ZBTB20: variants seen among roughly 807,000 people sequenced by gnomAD.
ZBTB20 encodes the protein zinc finger and BTB domain-containing protein 20.
ZBTB20 carries 9 observed loss-of-function variants against 56.9 expected under a neutral mutation model. The observed-to-expected ratio is 0.16, with a 90% CI of 0.10 to 0.28. The LOEUF (loss-of-function observed/expected upper bound fraction) is 0.28. Ranked by LOEUF, ZBTB20 falls within the 10% of genes least tolerant of loss-of-function variation. The probability of loss-of-function intolerance (pLI) is 1.00; values close to 1 mark genes in which losing one functional copy is unlikely to be tolerated. For synonymous variants in ZBTB20, 417 were observed against 420.7 expected (o/e 0.99, Z 0.11); for missense variants, 655 against 1,003.0 (o/e 0.65, Z 4.69).
intron 1 of ZBTB20, among the ~76,000 whole-genome samples, chr3:115,074,352 G>A (rs2082520031): frequency 6.6e-6 from 1 of 152,160 alleles, no homozygotes; most frequent in Non-Finnish European, 1.5e-5. Context: ...TGGGTTGGTA[G>A]TGGTGACAAA....
chr3:114,386,299 G>A (rs1345355456), intron 8 of ZBTB20, among the ~76,000 whole-genome samples: 1 of 151,990 alleles, frequency 6.6e-6, no homozygotes, highest in African/African-American at 2.4e-5. Flanking sequence ...TGGCAGGGCT[G>A]ATTTATAATT....
chr3:114,484,233 G>C (rs2109400623), intron 7 of ZBTB20, among the ~76,000 whole-genome samples: 1 of 152,060 alleles, frequency 6.6e-6, no homozygotes, highest in African/African-American at 2.4e-5. Context: ...CTAGTGTTTT[G>C]GCAACTCTAA....
chr3:115,028,454 T>C (rs1316610321), intron 2 of ZBTB20, among the ~76,000 whole-genome samples: 1 of 150,748 alleles, frequency 6.6e-6, no homozygotes, highest in Non-Finnish European at 1.5e-5. Context: ...CTTGGCTATA[T>C]TGTTTTAAAT....
chr3:114,850,914 T>C (rs953947433), intron 4 of ZBTB20, among the ~76,000 whole-genome samples: 1 of 152,174 alleles, frequency 6.6e-6, no homozygotes, highest in Admixed American at 6.5e-5. Context: ...CTAGTCTAAA[T>C]GTCTCAGTTG....
intron 3 of ZBTB20, among the ~76,000 whole-genome samples, chr3:114,906,150 A>C (rs1560384159): frequency 6.6e-6 from 1 of 151,976 alleles, no homozygotes; most frequent in East Asian, 1.9e-4. Context: ...CCTGACACAC[A>C]GTCAACACTT....
chr3:114,839,480 A>AG (rs2074290416), intron 4 of ZBTB20, among the ~76,000 whole-genome samples: 1 of 150,770 alleles, frequency 6.6e-6, no homozygotes, highest in Admixed American at 6.6e-5. Flanking sequence ...AGAGAGAAAG[A>AG]AAGAGAAAGA....
At chr3:114,627,199 C>T (rs1407836887) in intron 6 of ZBTB20, among the ~76,000 whole-genome samples, 1 of 152,146 alleles carries the variant, frequency 6.6e-6, no homozygotes, top group East Asian at 1.9e-4. Flanking sequence ...TTATCTGATT[C>T]TCTCATTTCT....
intron 11 of ZBTB20, among the ~76,000 whole-genome samples, chr3:114,343,735 A>C (rs1369363670): frequency 6.6e-6 from 1 of 152,242 alleles, no homozygotes; most frequent in African/African-American, 2.4e-5. Flanking sequence ...AGTCTCCGTC[A>C]AGAGACGTCT....
In ZBTB20 at chr3:114,318,851, G is replaced by A. The variant is rs569269422; in HGVS notation, c.*20154C>T. On this transcript the variant is annotated 3_prime_UTR_variant, in exon 12 of 12. Transcript: ENST00000675478. ...CAGGGGGTAGGGGGAAGAGAAAAGGGGTTTCCCATAATTGGTTGAAGACAC... is the reference window on the plus strand; with the variant it reads ...CAGGGGGTAGGGGGAAGAGAAAAGGAGTTTCCCATAATTGGTTGAAGACAC... 66 of 152,176 alleles carry A rather than the reference G, an allele frequency of 4.3e-4. No individual in the cohort carries two copies. Among genetic ancestry groups the A allele is most frequent in the African/African-American group, 1.5e-3 (61 of 41,502 alleles). The allele number at this position is 152,176 out of a possible 1,614,324, so 9.4% of individuals were successfully genotyped here.
Position 114,351,888 on chromosome 3 carries a change from G to A in ZBTB20, c.200-10C>T, listed in dbSNP as rs761542031. ...TTGCAACTGATGTCACCTGCAGCAT[G>A]TCAACGCAGACACAAAACAGGGCAT... On this transcript the variant is annotated splice_polypyrimidine_tract_variant and intron_variant, in intron 10 of 11. Coordinates refer to ENST00000675478, the MANE Select transcript of ZBTB20 (RefSeq NM_001348800.3). The A allele has an allele frequency of 3.1e-5, 49 of 1,578,158 alleles. No individual in the cohort carries two copies. Among genetic ancestry groups the A allele is most frequent in the Non-Finnish European group, 4.2e-5 (49 of 1,156,644 alleles).
chr3:115,029,275 T>C (rs2108337380), intron 2 of ZBTB20, among the ~76,000 whole-genome samples: 1 of 150,938 alleles, frequency 6.6e-6, no homozygotes, highest in East Asian at 1.9e-4. Flanking sequence ...AACCTCTATG[T>C]CAATTCTCCC....
chr3:114,974,944 G>T (rs2078036935), intron 2 of ZBTB20, among the ~76,000 whole-genome samples: 1 of 152,096 alleles, frequency 6.6e-6, no homozygotes, highest in African/African-American at 2.4e-5. Context: ...TGGGTGGAAA[G>T]AAATAAAGAT....
rs1469269185 is a variant in ZBTB20, at chr3:114,338,114, T to C, written c.*891A>G. The C allele has an allele frequency of 1.3e-5, 2 of 150,438 alleles. No homozygotes were observed. Among genetic ancestry groups the C allele is most frequent in the African/African-American group, 4.9e-5 (2 of 40,914 alleles). 9.3% of individuals were successfully genotyped at this position (150,438 alleles called of 1,614,324 possible). A position where few individuals can be genotyped will look rare whatever the true frequency, so the allele number is the denominator to read the frequency against. ...GACACTTTTTTTTTTTTTGCAAAGA[T>C]TGTTGGAAATAATCCTTCTCTTGTA... On this transcript the variant is annotated 3_prime_UTR_variant, in exon 12 of 12. Coordinates refer to ENST00000675478, the MANE Select transcript of ZBTB20 (RefSeq NM_001348800.3).
intron 3 of ZBTB20, among the ~76,000 whole-genome samples, chr3:114,901,246 CAA>C (rs1449904120): frequency 6.8e-5 from 10 of 148,034 alleles, no homozygotes; most frequent in Non-Finnish European, 3.0e-5. Context: ...GCCTGGGTGA[CAA>C]GAGAGAGGCT....
rs1432352485 is a variant in ZBTB20 at position 114,315,266 on chromosome 3, G to T, written c.*23739C>A. ...TATAACACTGCAGTCATTCAGCCCA[G>T]GTTCCTCTTAGGAAATTAACCTTTC... On this transcript the variant is annotated 3_prime_UTR_variant, in exon 12 of 12. Coordinates refer to ENST00000675478, the MANE Select transcript of ZBTB20 (RefSeq NM_001348800.3). The T allele has an allele frequency of 2.6e-5, 4 of 152,146 alleles. No homozygotes were observed. Among genetic ancestry groups the T allele is most frequent in the Admixed American group, 6.5e-5 (1 of 15,280 alleles). The allele number at this position is 152,146 out of a possible 1,614,324, so 9.4% of individuals were successfully genotyped here. A position where few individuals can be genotyped will look rare whatever the true frequency, so the allele number is the denominator to read the frequency against.
chr3:114,991,435 G>A (rs1381801903), intron 2 of ZBTB20, among the ~76,000 whole-genome samples: 2 of 152,070 alleles, frequency 1.3e-5, no homozygotes, highest in Non-Finnish European at 2.9e-5. Context: ...TCTTAATCCC[G>A]AGTTCTAGTT....
chr3:115,001,663 T>A (rs1270491221), intron 2 of ZBTB20, among the ~76,000 whole-genome samples: 1 of 151,200 alleles, frequency 6.6e-6, no homozygotes, highest in African/African-American at 2.4e-5. Flanking sequence ...AAAAATTAAA[T>A]AAATTCTTCA....
intron 6 of ZBTB20, among the ~76,000 whole-genome samples, chr3:114,534,600 G>C (rs541092457): frequency 6.6e-6 from 1 of 152,236 alleles, no homozygotes; most frequent in African/African-American, 2.4e-5. Context: ...AATTAACAAG[G>C]ATATTCAGGA....
chr3:115,045,057 T>C (rs1421260762), intron 2 of ZBTB20, among the ~76,000 whole-genome samples: 1 of 152,140 alleles, frequency 6.6e-6, no homozygotes, highest in African/African-American at 2.4e-5. Flanking sequence ...ACATAGGAAA[T>C]ACAGCAGCAA....
Sources: allele counts gnomAD v4.1 joint callset (sites outside exome capture counted in the v4.1 genomes callset), GRCh38; gene constraint gnomAD v4.1.1; transcripts MANE v1.5; gene names NCBI Gene and HGNC (gene_info 2026-07-23, HGNC 2026-07-21).